PRKG1: variants seen among roughly 807,000 people sequenced by gnomAD.
PRKG1 encodes protein kinase cGMP-dependent 1, also known as cGMP-dependent protein kinase 1.
In PRKG1, 35 loss-of-function variants were observed where a neutral mutation model predicts 88.1. The observed-to-expected ratio is 0.40, with a 90% CI of 0.30 to 0.53. The LOEUF is 0.53. Ranked by LOEUF, PRKG1 falls within the 20% of genes least tolerant of loss-of-function variation. The pLI is 0.59. For missense variants in PRKG1, 540 were observed against 839.8 expected (o/e 0.64, Z 4.41); for synonymous variants, 303 against 292.5 (o/e 1.04, Z -0.37).
At chr10:51,425,779 T>C (rs1838562176) in intron 2 of PRKG1, among the ~76,000 whole-genome samples, 1 of 152,166 alleles carries the variant, frequency 6.6e-6, no homozygotes, top group East Asian at 1.9e-4. Context: ...ACAGGATATG[T>C]GTTTCTGGAT....
At chr10:51,653,466 T>A (rs542056134) in intron 3 of PRKG1, among the ~76,000 whole-genome samples, 3 of 152,356 alleles carry the variant, frequency 2.0e-5, no homozygotes, top group Admixed American at 2.0e-4. Flanking sequence ...ATTAATGATA[T>A]TTAGCAATTT....
chr10:52,239,345 T>TA (rs35340011), intron 9 of PRKG1, among the ~76,000 whole-genome samples: 81,120 of 139,614 alleles, frequency 0.58, 23,447 homozygotes, highest in Admixed American at 0.64. Flanking sequence ...TAAATAAAAT[T>TA]AAAAAAAAAA....
chr10:51,017,243 A>G (rs1236901505), intron 1 of PRKG1, among the ~76,000 whole-genome samples: 1 of 152,010 alleles, frequency 6.6e-6, no homozygotes, highest in Non-Finnish European at 1.5e-5. Flanking sequence ...CCAAAGTAGC[A>G]CTTGGAATCA....
At chr10:51,030,448 T>C (rs1292048639) in intron 1 of PRKG1, among the ~76,000 whole-genome samples, 1 of 152,204 alleles carries the variant, frequency 6.6e-6, no homozygotes, top group African/African-American at 2.4e-5. Flanking sequence ...ACTTGTCTGT[T>C]AGAATTTGCT....
intron 1 of PRKG1, among the ~76,000 whole-genome samples, chr10:51,018,274 C>A (rs1843094425): frequency 6.6e-6 from 1 of 152,066 alleles, no homozygotes; most frequent in African/African-American, 2.4e-5. Flanking sequence ...TTTCCTTTCA[C>A]ATTAAAAGTG....
At chr10:51,937,362 A>G (rs1375040066) in intron 5 of PRKG1, among the ~76,000 whole-genome samples, 2 of 152,062 alleles carry the variant, frequency 1.3e-5, no homozygotes, top group African/African-American at 4.8e-5. Context: ...CTCTCCTGCA[A>G]TGTTGGCCTG....
intron 1 of PRKG1, among the ~76,000 whole-genome samples, chr10:51,028,522 C>CAAA (rs1201579125): frequency 6.6e-6 from 1 of 151,204 alleles, no homozygotes; most frequent in East Asian, 1.9e-4. Context: ...ACAACAACAA[C>CAAA]AAAATTACAA....
At chr10:50,992,358 CTGAT>C (rs1452517379) in intron 1 of PRKG1, among the ~76,000 whole-genome samples, 2 of 152,184 alleles carry the variant, frequency 1.3e-5, no homozygotes, top group Non-Finnish European at 2.9e-5. Context: ...TTTCTTTGCT[CTGAT>C]TGTGCCTCTT....
intron 9 of PRKG1, among the ~76,000 whole-genome samples, chr10:52,195,443 G>C (rs1839479990): frequency 6.6e-6 from 1 of 152,130 alleles, no homozygotes; most frequent in African/African-American, 2.4e-5. Flanking sequence ...TTTTCTCTAA[G>C]TAGCAGAATT....
chr10:52,240,203 A>G (rs1840823301), intron 9 of PRKG1, among the ~76,000 whole-genome samples: 1 of 152,186 alleles, frequency 6.6e-6, no homozygotes, highest in Non-Finnish European at 1.5e-5. Context: ...ATTGTTAGTG[A>G]TCAGTCGTAT....
intron 2 of PRKG1, among the ~76,000 whole-genome samples, chr10:51,333,268 A>T (rs1031694534): frequency 1.3e-5 from 2 of 152,222 alleles, no homozygotes; most frequent in African/African-American, 4.8e-5. Flanking sequence ...TTCAACCTTC[A>T]GTATTGGTTA....
chr10:51,623,583 T>C (rs1839262642), intron 3 of PRKG1, among the ~76,000 whole-genome samples: 1 of 152,198 alleles, frequency 6.6e-6, no homozygotes, highest in South Asian at 2.1e-4. Flanking sequence ...GTTATGTTAC[T>C]TTTCATTTTT....
intron 9 of PRKG1, among the ~76,000 whole-genome samples, chr10:52,226,142 A>C (rs973917764): frequency 1.3e-5 from 2 of 151,664 alleles, no homozygotes; most frequent in African/African-American, 4.8e-5. Flanking sequence ...ACTTCATGAT[A>C]TCATAAAACT....
chr10:51,659,133 T>G (rs1840233253), intron 3 of PRKG1, among the ~76,000 whole-genome samples: 1 of 152,154 alleles, frequency 6.6e-6, no homozygotes. Context: ...GCAAAGGTGT[T>G]TGTTTTATAA....
intron 7 of PRKG1, among the ~76,000 whole-genome samples, chr10:52,103,241 G>A (rs1847338014): frequency 6.6e-6 from 1 of 152,050 alleles, no homozygotes; most frequent in African/African-American, 2.4e-5. Flanking sequence ...GGGGACCACT[G>A]CCACATAGAA....
At chr10:51,402,559 C>T (rs1331681095) in intron 2 of PRKG1, among the ~76,000 whole-genome samples, 2 of 152,168 alleles carry the variant, frequency 1.3e-5, no homozygotes, top group African/African-American at 2.4e-5. Context: ...TGTCAAGACT[C>T]ATGCACAAAA....
intron 3 of PRKG1, among the ~76,000 whole-genome samples, chr10:51,765,263 G>T (rs1018587909): frequency 9.2e-5 from 14 of 152,182 alleles, no homozygotes; most frequent in African/African-American, 3.1e-4. Context: ...AGTGCAGGAG[G>T]TCATGAAATC....
intron 9 of PRKG1, among the ~76,000 whole-genome samples, chr10:52,227,142 T>C (rs1307697060): frequency 6.6e-6 from 1 of 152,162 alleles, no homozygotes; most frequent in African/African-American, 2.4e-5. Context: ...AGCATAAAGA[T>C]AGAAGAAGCT....
intron 3 of PRKG1, among the ~76,000 whole-genome samples, chr10:51,474,867 C>T (rs145096871): frequency 2.6e-5 from 4 of 152,080 alleles, no homozygotes; most frequent in Non-Finnish European, 5.9e-5. Context: ...GAAAAGACTG[C>T]TTTGCTTATG....
Sources: gnomAD v4.1 joint callset for allele counts (sites outside exome capture counted in the v4.1 genomes callset) on GRCh38, gnomAD v4.1.1 for gene constraint, MANE v1.5 for transcripts, NCBI Gene and HGNC (gene_info 2026-07-23, HGNC 2026-07-21) for gene names.